The following VGLL4 variants were observed in gnomAD, a reference collection of about 807,000 sequenced individuals.
VGLL4 encodes transcription cofactor vestigial-like protein 4.
A neutral mutation model predicts 21.0 loss-of-function variants in VGLL4; 7 were observed. The ratio of observed to expected loss-of-function variants is 0.33; its 90% CI spans 0.19 to 0.63. The LOEUF (loss-of-function observed/expected upper bound fraction) is 0.63, where lower values mean the gene tolerates loss of function less well. Ranked by LOEUF, VGLL4 falls within the 20% of genes least tolerant of loss-of-function variation. The pLI, the probability that VGLL4 is intolerant of heterozygous loss-of-function variation, is 0.78. For missense variants in VGLL4, 394 were observed against 425.7 expected (o/e 0.93, Z 0.66); for synonymous variants, 222 against 173.2 (o/e 1.28, Z -2.21).
intron 2 of VGLL4, among the ~76,000 whole-genome samples, chr3:11,665,262 T>C (rs867744400): frequency 1.6e-4 from 24 of 151,614 alleles, no homozygotes; most frequent in African/African-American, 4.6e-4. Context: ...TACAGGCGCC[T>C]GCCACCACGC....
At chr3:11,693,774 G>A (rs1037314259) in intron 2 of VGLL4, among the ~76,000 whole-genome samples, 29 of 152,198 alleles carry the variant, frequency 1.9e-4, no homozygotes, top group Admixed American at 1.6e-3. Context: ...CGTCCTGAAC[G>A]TACGGCTGGT....
intron 2 of VGLL4, among the ~76,000 whole-genome samples, chr3:11,586,660 T>C (rs557432866): frequency 6.6e-6 from 1 of 152,370 alleles, no homozygotes; most frequent in East Asian, 1.9e-4. Context: ...CCATAGGTTA[T>C]CTGCAAATAT....
intron 2 of VGLL4, among the ~76,000 whole-genome samples, chr3:11,702,329 G>T (rs1036242957): frequency 6.6e-6 from 1 of 151,912 alleles, no homozygotes; most frequent in African/African-American, 2.4e-5. Context: ...ACTGATTAAG[G>T]CCAGACGTGG....
At chr3:11,576,201 G>T (rs1381917307) in intron 2 of VGLL4, among the ~76,000 whole-genome samples, 3 of 152,214 alleles carry the variant, frequency 2.0e-5, no homozygotes, top group Non-Finnish European at 1.5e-5. Flanking sequence ...CCCACCTGCG[G>T]CCATGACCCC....
intron 2 of VGLL4, among the ~76,000 whole-genome samples, chr3:11,694,636 A>G (rs1366534982): frequency 1.3e-5 from 2 of 152,068 alleles, no homozygotes; most frequent in African/African-American, 4.8e-5. Flanking sequence ...AAAAAAGAAA[A>G]AAGGACAGAG....
chr3:11,699,054 G>T (rs1575542278), intron 2 of VGLL4, among the ~76,000 whole-genome samples: 1 of 152,130 alleles, frequency 6.6e-6, no homozygotes, highest in East Asian at 1.9e-4. Flanking sequence ...CATTCACAAG[G>T]CTTTTTTAAA....
At chr3:11,572,026 G>A (rs190779987) in intron 2 of VGLL4, among the ~76,000 whole-genome samples, 1 of 152,300 alleles carries the variant, frequency 6.6e-6, no homozygotes, top group East Asian at 1.9e-4. Flanking sequence ...AGGATCACCT[G>A]AGCCCAGGAG....
At chr3:11,620,813 A>G (rs1432152056) in intron 1 of VGLL4, among the ~76,000 whole-genome samples, 1 of 152,084 alleles carries the variant, frequency 6.6e-6, no homozygotes, top group Non-Finnish European at 1.5e-5. Context: ...GTGTGCACAT[A>G]TCATGCTCTG....
intron 1 of VGLL4, among the ~76,000 whole-genome samples, chr3:11,704,398 AAAAAAAAG>A (rs1226448530): frequency 3.2e-4 from 48 of 147,720 alleles, no homozygotes; most frequent in Non-Finnish European, 4.8e-4. Flanking sequence ...AAAAAAAAAA[AAAAAAAAG>A]AAAAAAAGAA....
intron 2 of VGLL4, among the ~76,000 whole-genome samples, chr3:11,698,506 C>T (rs1335787259): frequency 6.6e-6 from 1 of 152,138 alleles, no homozygotes; most frequent in Non-Finnish European, 1.5e-5. Flanking sequence ...AAGACTCTGT[C>T]TCCAGAAAAA....
At chr3:11,704,787 C>G (rs2076736016) in intron 1 of VGLL4, among the ~76,000 whole-genome samples, 1 of 152,186 alleles carries the variant, frequency 6.6e-6, no homozygotes, top group South Asian at 2.1e-4. Context: ...CCATTTTCAA[C>G]CCAAAACGCA....
intron 1 of VGLL4, among the ~76,000 whole-genome samples, chr3:11,617,882 C>T (rs73814933): frequency 2.8e-3 from 426 of 152,298 alleles, no homozygotes; most frequent in African/African-American, 9.6e-3. Flanking sequence ...TGTCAGGTGA[C>T]GTTTTTATGT....
intron 2 of VGLL4, among the ~76,000 whole-genome samples, chr3:11,587,795 A>G (rs1200542704): frequency 6.6e-6 from 1 of 152,208 alleles, no homozygotes; most frequent in Non-Finnish European, 1.5e-5. Context: ...AGCCAGATGC[A>G]TAAGCAAGAA....
chr3:11,579,075 T>C (rs1311830839), intron 2 of VGLL4, among the ~76,000 whole-genome samples: 2 of 152,166 alleles, frequency 1.3e-5, no homozygotes, highest in African/African-American at 2.4e-5. Flanking sequence ...AAAGTACTAA[T>C]AGACCGTAAG....
chr3:11,671,121 G>A, intron 2 of VGLL4: 1 of 929,168 alleles, frequency 1.1e-6, no homozygotes. Context: ...CAGGACTCAA[G>A]CACAAAAAGT....
chr3:11,665,408 C>T lies in VGLL4; in HGVS notation c.64+37563G>A, dbSNP rs140162513. Among the ~76,000 whole-genome samples, 35 of 152,274 alleles carry T rather than the reference C, an allele frequency of 2.3e-4. 1 individual carries two copies. In the Middle Eastern group the frequency reaches 0.017, roughly 74 times the overall value. ...GATTACAGGCCTGAGCCACCGCGCC[C>T]GGCCAAACATCTTAATCCACTCTAA... On this transcript the variant is annotated intron_variant, in intron 2 of 5. Transcript: ENST00000273038.
At chr3:11,681,659 T>C (rs1393577507) in intron 2 of VGLL4, among the ~76,000 whole-genome samples, 5 of 152,242 alleles carry the variant, frequency 3.3e-5, no homozygotes, top group Admixed American at 2.0e-4. Context: ...TTCATTTGCA[T>C]ACCAATGCAG....
intron 2 of VGLL4, among the ~76,000 whole-genome samples, chr3:11,586,206 T>C (rs905961942): frequency 4.4e-4 from 67 of 152,278 alleles, no homozygotes; most frequent in African/African-American, 1.6e-3. Context: ...TCTGCACACA[T>C]ATGAAAGAAA....
At chr3:11,633,640 A>C (rs533737497) in intron 1 of VGLL4, 3 of 152,640 alleles carry the variant, frequency 2.0e-5, no homozygotes, top group Admixed American at 6.5e-5. Context: ...ACTGCACTCC[A>C]GCCTGGCGAC....
Sources: gnomAD v4.1 joint callset for allele counts (sites outside exome capture counted in the v4.1 genomes callset) on GRCh38, gnomAD v4.1.1 for gene constraint, MANE v1.5 for transcripts, NCBI Gene and HGNC (gene_info 2026-07-23, HGNC 2026-07-21) for gene names.